Variants in XPO6 observed in about 807,000 individuals in gnomAD.
The protein encoded by XPO6 is exportin 6.
XPO6 carries 3 observed loss-of-function variants against 130.0 expected under a neutral mutation model. The observed-to-expected ratio is 0.02, with a 90% CI of 0.01 to 0.06. The LOEUF (loss-of-function observed/expected upper bound fraction) is 0.06. XPO6 is among the 10% of genes least tolerant of loss of function. The pLI is 1.00. For synonymous variants in XPO6, 524 were observed against 548.9 expected, an observed-to-expected ratio of 0.95 and a Z score of 0.63; for missense variants, 970 against 1,393.0, an observed-to-expected ratio of 0.70 and a Z score of 4.83.
chr16:28,109,857 T>C lies in XPO6; in HGVS notation c.2341+1960A>G, dbSNP rs146842242. On this transcript the variant is annotated intron_variant, in intron 17 of 23. Coordinates refer to ENST00000304658, the MANE Select transcript of XPO6 (RefSeq NM_015171.4). ...TACCAATGTTTAATATCTTGTTCTATATAGATACAAAGGTTAAGTAGTCAG... is the reference window on the plus strand; with the variant it reads ...TACCAATGTTTAATATCTTGTTCTACATAGATACAAAGGTTAAGTAGTCAG... Among the ~76,000 whole-genome samples, 825 of 152,338 alleles carry C rather than the reference T, an allele frequency of 5.4e-3. 3 individuals are homozygous for C. The highest frequency in any genetic ancestry group is 0.017 in the African/African-American group (706 of 41,566).
At position 28,107,807 on chromosome 16, in the gene XPO6, C is replaced by G. The variant is rs13329972; in HGVS notation, c.2342-130G>C. 5.2e-3 allele frequency: 5,227 copies of G among 1,008,662 alleles called. 76 individuals carry two copies. Among genetic ancestry groups the G allele is most frequent in the African/African-American group, 0.048 (2,998 of 62,518 alleles). 62.5% of individuals were successfully genotyped at this position (1,008,662 alleles called of 1,614,324 possible). On this transcript the variant is annotated intron_variant, in intron 17 of 23. Coordinates refer to ENST00000304658, the MANE Select transcript of XPO6 (RefSeq NM_015171.4). Reference sequence around the variant, plus strand: ...GATCACACGAGTCTCACTAAAGGAACAGTCTCTTGATTACAATATAAATTC... The same window carrying G: ...GATCACACGAGTCTCACTAAAGGAAGAGTCTCTTGATTACAATATAAATTC...
rs1751303286 is a variant in XPO6, at chr16:28,211,355, A to G, written c.3+11T>C. On this transcript the variant is annotated intron_variant, in intron 1 of 23. Transcript: ENST00000304658. The stretch of plus-strand genomic sequence containing the variant: ...CACCCCAGGAGGGAAGGGGGCTCCA[A>G]TTCCACTTACCATGCTGGCCGGGGA... 7.6e-7 allele frequency: 1 copy of G among 1,312,620 alleles called. No homozygotes were observed. Among genetic ancestry groups the G allele is most frequent in the East Asian group, 2.8e-5 (1 of 35,624 alleles). 81.3% of individuals were successfully genotyped at this position (1,312,620 alleles called of 1,614,324 possible). A position where few individuals can be genotyped will look rare whatever the true frequency, so the allele number is the denominator to read the frequency against.
intron 4 of XPO6, among the ~76,000 whole-genome samples, chr16:28,170,344 A>C (rs2043430099): frequency 6.6e-6 from 1 of 151,884 alleles, no homozygotes; most frequent in Non-Finnish European, 1.5e-5. Flanking sequence ...AAAAAAAAAA[A>C]AAAAAAGAAA....
intron 5 of XPO6, chr16:28,166,966 G>C (rs1441275783): frequency 1.6e-6 from 1 of 625,104 alleles, no homozygotes; most frequent in Non-Finnish European, 2.0e-6. Flanking sequence ...CTTTTCTCTG[G>C]TTTCTTTGAA....
chr16:28,169,725 C>T (rs1051029033), intron 5 of XPO6, 25 bp downstream of exon 5: 6 of 1,611,764 alleles, frequency 3.7e-6, no homozygotes, highest in Non-Finnish European at 4.2e-6. Flanking sequence ...AGGCCTCTAT[C>T]TCTGGGCACT....
chr16:28,118,426 T>C (rs1320661561), intron 14 of XPO6, among the ~76,000 whole-genome samples: 3 of 152,218 alleles, frequency 2.0e-5, no homozygotes, highest in Non-Finnish European at 2.9e-5. Context: ...AGGGGCACGA[T>C]CATGGCTCAC....
At chr16:28,107,173 C>T (rs2086803708) in intron 18 of XPO6, among the ~76,000 whole-genome samples, 1 of 152,220 alleles carries the variant, frequency 6.6e-6, no homozygotes, top group Admixed American at 6.5e-5. Flanking sequence ...AGTACATCCA[C>T]AGAGCTAGAG....
intron 5 of XPO6, among the ~76,000 whole-genome samples, chr16:28,168,894 T>G (rs1211133878): frequency 6.6e-6 from 1 of 151,872 alleles, no homozygotes; most frequent in African/African-American, 2.4e-5. Flanking sequence ...GGATTACAGG[T>G]GTGAGCCATT....
At chr16:28,198,746 G>T (rs1360679954) in intron 1 of XPO6, among the ~76,000 whole-genome samples, 1 of 152,088 alleles carries the variant, frequency 6.6e-6, no homozygotes, top group Non-Finnish European at 1.5e-5. Flanking sequence ...CAGTTTTGTT[G>T]TTTGTTAGTA....
intron 17 of XPO6, 108 bp from the exon 18 acceptor site, chr16:28,107,785 C>T: frequency 8.3e-7 from 1 of 1,208,122 alleles, no homozygotes; most frequent in Non-Finnish European, 1.2e-6. Flanking sequence ...AGAAGATGAT[C>T]ACACGAGTCT....
chr16:28,142,760 A>G (rs990394475), intron 9 of XPO6, among the ~76,000 whole-genome samples: 4 of 152,140 alleles, frequency 2.6e-5, no homozygotes, highest in Non-Finnish European at 5.9e-5. Flanking sequence ...TTGTACAGAC[A>G]GAGTCTTGCT....
chr16:28,102,823 C>G (rs1293901022), intron 21 of XPO6, among the ~76,000 whole-genome samples: 1 of 152,128 alleles, frequency 6.6e-6, no homozygotes, highest in East Asian at 1.9e-4. Context: ...CCTGCTCCAA[C>G]AGAAAGAATA....
intron 1 of XPO6, among the ~76,000 whole-genome samples, chr16:28,207,803 T>C (rs1596983157): frequency 6.6e-6 from 1 of 152,152 alleles, no homozygotes; most frequent in African/African-American, 2.4e-5. Flanking sequence ...GGAACAGCCA[T>C]AGTGGAACCT....
intron 1 of XPO6, among the ~76,000 whole-genome samples, chr16:28,201,614 G>C (rs1435610594): frequency 6.6e-6 from 1 of 152,064 alleles, no homozygotes; most frequent in African/African-American, 2.4e-5. Flanking sequence ...CCCAGCAATT[G>C]GGGAGGCTGA....
At chr16:28,103,458 T>C (rs1193309074) in intron 21 of XPO6, among the ~76,000 whole-genome samples, 2 of 152,218 alleles carry the variant, frequency 1.3e-5, no homozygotes, top group African/African-American at 2.4e-5. Flanking sequence ...AGTGTACAGG[T>C]TGTGTGAACA....
chr16:28,115,594 T>C (rs1016704025), intron 15 of XPO6, among the ~76,000 whole-genome samples: 9 of 152,244 alleles, frequency 5.9e-5, no homozygotes, highest in African/African-American at 2.2e-4. Context: ...GCATAATTCC[T>C]AAGGGCCCTA....
intron 1 of XPO6, among the ~76,000 whole-genome samples, chr16:28,198,997 A>ATTC (rs2043911747): frequency 6.6e-6 from 1 of 152,078 alleles, no homozygotes; most frequent in African/African-American, 2.4e-5. Context: ...TATAAAAATT[A>ATTC]GCCGGGCGTG....
At chr16:28,200,897 A>G (rs923244056) in intron 1 of XPO6, among the ~76,000 whole-genome samples, 1 of 152,070 alleles carries the variant, frequency 6.6e-6, no homozygotes, top group East Asian at 1.9e-4. Flanking sequence ...AGGGCCCCTT[A>G]ACGACGACTA....
At chr16:28,209,039 G>A (rs2044081187) in intron 1 of XPO6, 2 of 152,266 alleles carry the variant, frequency 1.3e-5, no homozygotes, top group South Asian at 4.1e-4. Flanking sequence ...CCACCACACG[G>A]ATGAAGCTTG....
Sources: gnomAD v4.1 joint callset for allele counts (sites outside exome capture counted in the v4.1 genomes callset) on GRCh38, gnomAD v4.1.1 for gene constraint, MANE v1.5 for transcripts, NCBI Gene and HGNC (gene_info 2026-07-23, HGNC 2026-07-21) for gene names.